Variants in HK2 observed in about 807,000 individuals in gnomAD.
HK2 encodes the protein hexokinase 2, also known as hexokinase-2.
A neutral mutation model predicts 92.9 loss-of-function variants in HK2; 42 were observed. The ratio of observed to expected loss-of-function variants is 0.45; its 90% CI spans 0.35 to 0.58. The LOEUF (loss-of-function observed/expected upper bound fraction) is 0.58, where lower values mean the gene tolerates loss of function less well. HK2 is among the 20% of genes least tolerant of loss of function. The pLI, the probability that HK2 is intolerant of heterozygous loss-of-function variation, is 0.00. For synonymous variants in HK2, 422 were observed against 468.0 expected (o/e 0.90, Z 1.27); for missense variants, 978 against 1,245.1 (o/e 0.79, Z 3.23).
At chr2:74,857,673 A>T (rs951645631) in intron 2 of HK2, among the ~76,000 whole-genome samples, 3 of 152,010 alleles carry the variant, frequency 2.0e-5, no homozygotes, top group African/African-American at 4.8e-5. Flanking sequence ...AGATAAATTT[A>T]AAAAAAATAA....
At chr2:74,888,135 T>A in intron 16 of HK2, 77 bp downstream of exon 16, 1 of 1,492,666 alleles carries the variant, frequency 6.7e-7, no homozygotes, top group Non-Finnish European at 9.3e-7. Flanking sequence ...AGGATTTCCA[T>A]AACTCAGGGC....
At position 74,834,575 on chromosome 2, in the gene HK2, G is replaced by A; in HGVS notation, c.-6G>A. 2 of 1,613,872 alleles carry A rather than the reference G, an allele frequency of 1.2e-6. No homozygotes were observed. Among genetic ancestry groups the A allele is most frequent in the Non-Finnish European group, 1.7e-6 (2 of 1,179,806 alleles). ...TCCCAACTCTGCGCCGTCGGGCCGC[G>A]GCAGGATGATTGCCTCGCATCTGCT... On this transcript the variant is annotated 5_prime_UTR_variant, in exon 1 of 18. Transcript: ENST00000290573. This position sits in a 1 kb window ranked among gnomAD's most constrained non-coding sequence, Gnocchi z 4.2.
chr2:74,859,110 A>G (rs1009490516), intron 2 of HK2, among the ~76,000 whole-genome samples: 1 of 152,238 alleles, frequency 6.6e-6, no homozygotes, highest in Non-Finnish European at 1.5e-5. Flanking sequence ...AAGAAGTTGA[A>G]AGAATTCTAT....
chr2:74,848,442 C>T (rs1688493872), intron 1 of HK2, among the ~76,000 whole-genome samples: 1 of 152,024 alleles, frequency 6.6e-6, no homozygotes, highest in Middle Eastern at 3.4e-3. Flanking sequence ...CATTGCTGTG[C>T]AACTACCACC....
At chr2:74,836,167 C>A (rs1688160359) in intron 1 of HK2, among the ~76,000 whole-genome samples, 1 of 152,188 alleles carries the variant, frequency 6.6e-6, no homozygotes, top group African/African-American at 2.4e-5. Context: ...GGAAGGCTAT[C>A]ATCTCTTGGC....
In HK2 at chr2:74,885,607, C is replaced by T. The variant is rs764983332; in HGVS notation, c.1935+18C>T. On this transcript the variant is annotated intron_variant, in intron 13 of 17. Coordinates refer to ENST00000290573, the MANE Select transcript of HK2 (RefSeq NM_000189.5). The stretch of plus-strand genomic sequence containing the variant: ...GGCGAGAGGTAGGAGACACATGGCA[C>T]GAGGTCTGATGTGTCAGCTCCTCAA... 4.7e-5 allele frequency: 73 copies of T among 1,540,568 alleles called. 1 individual carries two copies. The highest frequency in any genetic ancestry group is 1.3e-4 in the East Asian group (6 of 44,564).
chr2:74,887,395 C>T (rs938784024), intron 15 of HK2, among the ~76,000 whole-genome samples: 1 of 151,548 alleles, frequency 6.6e-6, no homozygotes, highest in East Asian at 2.0e-4. Flanking sequence ...AAAAGACCCT[C>T]AAGCCACTGC....
chr2:74,873,746 A>AAGAAGGAGGAGGAGGAGG lies in HK2; in HGVS notation c.592-96_592-95insAAGGAGGAGGAGGAGGAG, dbSNP rs1553448697. Reference sequence around the variant, plus strand: ...GGGGAGGGAGGGGGGAGAGAGAGAGAAGGAGGAGGAGGAGGAGGAGGAGTG... The same window carrying AAGAAGGAGGAGGAGGAGG: ...GGGGAGGGAGGGGGGAGAGAGAGAGAAGAAGGAGGAGGAGGAGGAGGAGGAGGAGGAGGAGGAGGAGTG... On this transcript the variant is annotated intron_variant, in intron 5 of 17. Transcript: ENST00000290573. 15 of 735,750 alleles carry AAGAAGGAGGAGGAGGAGG rather than the reference A, an allele frequency of 2.0e-5. No homozygotes were observed. In the African/African-American group the frequency reaches 2.2e-4, roughly 11 times the overall value. 45.6% of individuals were successfully genotyped at this position (735,750 alleles called of 1,614,324 possible). A position where few individuals can be genotyped will look rare whatever the true frequency, so the allele number is the denominator to read the frequency against.
At chr2:74,888,487 T>G (rs1360593481) in intron 16 of HK2, among the ~76,000 whole-genome samples, 1 of 152,240 alleles carries the variant, frequency 6.6e-6, no homozygotes, top group Admixed American at 6.5e-5. Flanking sequence ...TGCAGACACA[T>G]GCCACACAGT....
At chr2:74,847,156 TTGCTTTGA>T (rs1688461625) in intron 1 of HK2, among the ~76,000 whole-genome samples, 1 of 152,210 alleles carries the variant, frequency 6.6e-6, no homozygotes, top group Admixed American at 6.5e-5. Flanking sequence ...CCTGCATCCT[TTGCTTTGA>T]TGCTTCTATG....
At chr2:74,866,583 A>G (rs1573374417) in intron 2 of HK2, among the ~76,000 whole-genome samples, 1 of 152,230 alleles carries the variant, frequency 6.6e-6, no homozygotes. Context: ...CAGGATCTGG[A>G]TGTTTCCTGT....
chr2:74,890,505 T>C (rs1458111725), intron 17 of HK2, among the ~76,000 whole-genome samples: 3 of 152,248 alleles, frequency 2.0e-5, no homozygotes, highest in Non-Finnish European at 2.9e-5. Context: ...CTATTAGTTT[T>C]AAGAACACAG....
At chr2:74,870,780 A>T (rs1352822917) in intron 3 of HK2, among the ~76,000 whole-genome samples, 1 of 152,178 alleles carries the variant, frequency 6.6e-6, no homozygotes, top group Non-Finnish European at 1.5e-5. Flanking sequence ...GGTGATCCCC[A>T]TGGCAAGAGA....
chr2:74,886,434 C>T (rs762693414), intron 14 of HK2, 41 bp downstream of exon 14: 7 of 1,613,696 alleles, frequency 4.3e-6, no homozygotes, highest in Non-Finnish European at 1.7e-6. Context: ...GGATGCACAG[C>T]CTTGGGTGTG....
chr2:74,863,523 C>G (rs1470595281), intron 2 of HK2, among the ~76,000 whole-genome samples: 1 of 152,162 alleles, frequency 6.6e-6, no homozygotes, highest in Admixed American at 6.5e-5. Context: ...TAAAAAGAGG[C>G]TGCCAGGTGT....
chr2:74,880,228 T>G (rs751954271), intron 9 of HK2, 37 bp from the exon 10 acceptor site: 1 of 1,611,740 alleles, frequency 6.2e-7, no homozygotes, highest in East Asian at 2.2e-5. Flanking sequence ...ACCCTAACCA[T>G]GGACACCTGT....
intron 1 of HK2, among the ~76,000 whole-genome samples, chr2:74,838,664 G>T (rs1389797341): frequency 6.6e-6 from 1 of 150,974 alleles, no homozygotes; most frequent in Non-Finnish European, 1.5e-5. Context: ...TCAGCCTCCC[G>T]AGTAGCTGGG....
Position 74,834,626 on chromosome 2 carries a change from C to A in HK2, c.46C>A (p.His16Asn). The change falls in exon 1 of 18, where the codon CAT (histidine) becomes AAT (asparagine). Residue 16 changes from histidine (H) to asparagine (N), a missense_variant. By Grantham distance (68) the His-to-Asn change is moderately conservative (BLOSUM62 1). Around this residue, in one of 3 missense-constraint regions of HK2, gnomAD observed 47 missense variants for 33.1 expected, o/e 1.42. Transcript: ENST00000290573. This position sits in a 1 kb window ranked among gnomAD's most constrained non-coding sequence, Gnocchi z 4.2. ...TGCCTACTTCTTCACGGAGCTCAAC[C>A]ATGACCAAGTGCAGAAGGTAAGTCA... is the stretch of plus-strand genomic sequence containing the variant. ...LLAYFFTELN[H>N]DQVQKVDQYL... The A allele has an allele frequency of 6.2e-7, 1 of 1,613,974 alleles. No homozygotes were observed. The highest frequency in any genetic ancestry group is 8.5e-7 in the Non-Finnish European group (1 of 1,179,870).
chr2:74,888,114 A>T (rs1689585155), intron 16 of HK2, 56 bp downstream of exon 16: 11 of 1,572,664 alleles, frequency 7.0e-6, no homozygotes, highest in Non-Finnish European at 7.9e-6. Flanking sequence ...TCTCACTGGC[A>T]GACAAACTGA....
Sources: allele counts gnomAD v4.1 joint callset (sites outside exome capture counted in the v4.1 genomes callset), GRCh38; gene constraint gnomAD v4.1.1; regional missense constraint gnomAD v4.1.1; non-coding constraint Gnocchi (gnomAD v3.1); transcripts MANE v1.5; gene names NCBI Gene and HGNC (gene_info 2026-07-23, HGNC 2026-07-21).